Variants in SLCO1A2 observed in about 807,000 individuals in gnomAD.
The protein encoded by SLCO1A2 is OATP-1.
SLCO1A2 carries 67 observed loss-of-function variants against 69.0 expected under a neutral mutation model. That is an observed-to-expected ratio of 0.97 (90% CI 0.80 to 1.19). The LOEUF (loss-of-function observed/expected upper bound fraction) is 1.19, where lower values mean the gene tolerates loss of function less well. Ranked by LOEUF, SLCO1A2 falls within the 50% of genes most tolerant of loss-of-function variation. SLCO1A2 has a pLI of 0.00. For synonymous variants in SLCO1A2, 260 were observed against 265.9 expected, an observed-to-expected ratio of 0.98 and a Z score of 0.22; for missense variants, 787 against 793.7, an observed-to-expected ratio of 0.99 and a Z score of 0.10.
intron 1 of SLCO1A2, chr12:21,378,593 G>A (rs1028889976): frequency 1.8e-5 from 10 of 554,508 alleles, no homozygotes; most frequent in African/African-American, 7.5e-5. Context: ...ACTAACTAAG[G>A]TCCCATAATA....
chr12:21,312,534 A>G (rs999797174), intron 4 of SLCO1A2, among the ~76,000 whole-genome samples: 3 of 152,152 alleles, frequency 2.0e-5, no homozygotes, highest in Non-Finnish European at 2.9e-5. Context: ...CTTTGGGCCT[A>G]TTCTGAATTT....
chr12:21,363,761 A>T (rs977572608), intron 2 of SLCO1A2, among the ~76,000 whole-genome samples: 8 of 152,232 alleles, frequency 5.3e-5, no homozygotes, highest in Middle Eastern at 3.2e-3. Flanking sequence ...AGAGAATACT[A>T]TAAACACCTC....
chr12:21,358,985 G>A (rs928951702), intron 2 of SLCO1A2, among the ~76,000 whole-genome samples: 6 of 152,128 alleles, frequency 3.9e-5, no homozygotes, highest in African/African-American at 7.2e-5. Flanking sequence ...AAAGACTGAG[G>A]AGAGATAATG....
At chr12:21,275,047 G>T in intron 13 of SLCO1A2, 2 of 1,018,176 alleles carry the variant, frequency 2.0e-6, no homozygotes, top group Non-Finnish European at 1.2e-6. Flanking sequence ...AGGGACATTT[G>T]CTAGACTGCT....
chr12:21,308,815 T>G (rs1949750323), intron 4 of SLCO1A2, among the ~76,000 whole-genome samples: 1 of 152,196 alleles, frequency 6.6e-6, no homozygotes, highest in African/African-American at 2.4e-5. Context: ...AACCAAGTCC[T>G]ACACATATTT....
intron 2 of SLCO1A2, among the ~76,000 whole-genome samples, chr12:21,340,943 A>G (rs958428594): frequency 6.6e-6 from 1 of 152,024 alleles, no homozygotes; most frequent in Non-Finnish European, 1.5e-5. Flanking sequence ...ACAATTAGAG[A>G]TAATAATAAA....
chr12:21,395,132 G>A (rs970802698), exon 1 of SLCO1A2: 1 of 156,216 alleles, frequency 6.4e-6, no homozygotes. Context: ...TCACTAGGGA[G>A]TGCCAGACAA....
intron 2 of SLCO1A2, among the ~76,000 whole-genome samples, chr12:21,358,653 A>G (rs1037758620): frequency 6.6e-6 from 1 of 151,944 alleles, no homozygotes; most frequent in Admixed American, 6.5e-5. Context: ...TTAATTTTTT[A>G]TAATTAAAAA....
chr12:21,348,862 C>G (rs1047764830), intron 2 of SLCO1A2, among the ~76,000 whole-genome samples: 3 of 152,150 alleles, frequency 2.0e-5, no homozygotes, highest in African/African-American at 7.2e-5. Flanking sequence ...ATACATTTGT[C>G]CAAACCCACA....
At chr12:21,402,467 A>G (rs1165199892) in intron 1 of SLCO1A2, among the ~76,000 whole-genome samples, 1 of 152,116 alleles carries the variant, frequency 6.6e-6, no homozygotes, top group African/African-American at 2.4e-5. Context: ...AAGTAGCACA[A>G]TACCCTTATT....
At chr12:21,314,475 T>A in intron 4 of SLCO1A2, 74 bp downstream of exon 4, 1 of 1,523,540 alleles carries the variant, frequency 6.6e-7, no homozygotes, top group Non-Finnish European at 9.1e-7. Flanking sequence ...GCATTGCTCC[T>A]AGAGAGGAAA....
chr12:21,390,984 C>G (rs1433087472), intron 1 of SLCO1A2, among the ~76,000 whole-genome samples: 1 of 152,110 alleles, frequency 6.6e-6, no homozygotes, highest in Non-Finnish European at 1.5e-5. Context: ...ATTCTATTTT[C>G]TGTCCTCATT....
At chr12:21,362,202 C>T (rs1344133210) in intron 2 of SLCO1A2, among the ~76,000 whole-genome samples, 3 of 152,022 alleles carry the variant, frequency 2.0e-5, no homozygotes, top group Admixed American at 1.3e-4. Context: ...GCGGGTCTCT[C>T]GGCAGAAACT....
chr12:21,382,366 T>G (rs1940639501), intron 1 of SLCO1A2, among the ~76,000 whole-genome samples: 1 of 152,058 alleles, frequency 6.6e-6, no homozygotes, highest in African/African-American at 2.4e-5. Context: ...TAAAGAACCA[T>G]CAGTCAGATA....
At chr12:21,362,601 T>C (rs1188611075) in intron 2 of SLCO1A2, among the ~76,000 whole-genome samples, 1 of 152,112 alleles carries the variant, frequency 6.6e-6, no homozygotes, top group African/African-American at 2.4e-5. Context: ...AGACACAGAC[T>C]GGCAAATTGG....
In SLCO1A2 at chr12:21,297,530, T is replaced by C. The variant is rs1232022280; in HGVS notation, c.949A>G (p.Ile317Val). 3 of 1,593,538 alleles carry C rather than the reference T, an allele frequency of 1.9e-6. No homozygotes were observed. The highest frequency in any genetic ancestry group is 2.6e-6 in the Non-Finnish European group (3 of 1,166,708). Residue 317 changes from isoleucine to valine, a missense_variant, in exon 9 of 15, where the codon ATT becomes GTT. Physicochemically the swap from Ile to Val is conservative, Grantham distance 29. Coordinates refer to ENST00000683939, the MANE Select transcript of SLCO1A2 (RefSeq NM_001386879.1). ...PFMKSLSCNP[I>V]YMLFILVSVI... The stretch of plus-strand genomic sequence containing the variant: ...CTTACAAGTATGAAAAGCATATAAA[T>C]TGGATTGCAGGAAAGACTTTTCATG...
intron 2 of SLCO1A2, among the ~76,000 whole-genome samples, chr12:21,356,817 A>G (rs10770800): frequency 0.094 from 14,282 of 152,184 alleles, 1,065 homozygotes; most frequent in East Asian, 0.4. Flanking sequence ...TAAGACTTAA[A>G]TTACATTTTT....
intron 6 of SLCO1A2, 103 bp downstream of exon 6, chr12:21,304,324 C>T (rs1949084724): frequency 1.1e-6 from 1 of 906,708 alleles, no homozygotes; most frequent in East Asian, 2.6e-5. Flanking sequence ...AGATACTCTA[C>T]TCATCATTGT....
intron 7 of SLCO1A2, 85 bp from the exon 8 acceptor site, chr12:21,300,654 G>T: frequency 9.2e-7 from 1 of 1,090,072 alleles, no homozygotes. Context: ...TAGAATTATC[G>T]GGTCCCAACC....
Sources: allele counts gnomAD v4.1 joint callset (sites outside exome capture counted in the v4.1 genomes callset), GRCh38; gene constraint gnomAD v4.1.1; transcripts MANE v1.5; gene names NCBI Gene and HGNC (gene_info 2026-07-23, HGNC 2026-07-21).